The following AGPAT3 variants were observed in gnomAD, a reference collection of about 807,000 sequenced individuals.
AGPAT3 encodes 1-acylglycerol-3-phosphate O-acyltransferase 3.
AGPAT3 carries 5 observed loss-of-function variants against 47.3 expected under a neutral mutation model. The observed-to-expected ratio is 0.11, with a 90% confidence interval of 0.06 to 0.22. The LOEUF (loss-of-function observed/expected upper bound fraction) is 0.22, where lower values mean the gene tolerates loss of function less well. Among genes scored for constraint, AGPAT3 ranks in the 10% least tolerant of loss-of-function variants. AGPAT3 has a pLI of 1.00. For synonymous variants in AGPAT3, 212 were observed against 208.3 expected (o/e 1.02, Z -0.15); for missense variants, 315 against 493.0 (o/e 0.64, Z 3.42).
At position 43,972,308 on chromosome 21, in the gene AGPAT3, C is replaced by G. The variant is rs572164388; in HGVS notation, c.767+818C>G. 2.0e-5 allele frequency among the ~76,000 whole-genome samples: 3 copies of G among 152,282 alleles called. No homozygotes were observed. The East Asian group carries it at 5.8e-4, about 29-fold the overall frequency. On this transcript the variant is annotated intron_variant, in intron 7 of 9. Transcript: ENST00000291572. ...TACAGGTGCCCACTACCTCGCCTGG[C>G]TAATTTCATATTTTTTTAGTAGAGA...
chr21:43,900,874 A>AC (rs2086332914), intron 1 of AGPAT3, among the ~76,000 whole-genome samples: 1 of 152,190 alleles, frequency 6.6e-6, no homozygotes, highest in Non-Finnish European at 1.5e-5. Flanking sequence ...TCCCAGAACA[A>AC]AGCCCGGAGA....
chr21:43,865,461 C>T (rs2085483541), intron 1 of AGPAT3, 116 bp downstream of exon 1: 2 of 146,820 alleles, frequency 1.4e-5, no homozygotes, highest in African/African-American at 4.9e-5. Flanking sequence ...GCCGTCCGAC[C>T]TCGGGCCGCC....
chr21:43,970,326 C>T lies in AGPAT3; in HGVS notation c.511-327C>T, dbSNP rs2089342099. On this transcript the variant is annotated intron_variant, in intron 5 of 9. Transcript: ENST00000291572. The surrounding 1 kb of genome is among the most constrained non-coding windows in gnomAD (Gnocchi z 5.8). ...CGGCCTGCTGTTAACATTTCTAACT[C>T]ATGCTGTGGCAAGTCGATGAAACCC... 1.3e-5 allele frequency among the ~76,000 whole-genome samples: 2 copies of T among 152,306 alleles called. No homozygotes were observed. Among genetic ancestry groups the T allele is most frequent in the African/African-American group, 2.4e-5 (1 of 41,570 alleles).
intron 1 of AGPAT3, among the ~76,000 whole-genome samples, chr21:43,883,589 GTTTTGTTTTGTT>G (rs1447859181): frequency 6.6e-6 from 1 of 152,038 alleles, no homozygotes; most frequent in Non-Finnish European, 1.5e-5. Flanking sequence ...CCGTTTTTTT[GTTTTGTTTTGTT>G]TTTTGTTTTG....
intron 2 of AGPAT3, among the ~76,000 whole-genome samples, chr21:43,943,434 G>T (rs914575093): frequency 6.6e-6 from 1 of 152,068 alleles, no homozygotes; most frequent in Non-Finnish European, 1.5e-5. Context: ...CGTCCCATAG[G>T]ATTTTATCGA....
chr21:43,893,966 G>T (rs958742384), intron 1 of AGPAT3, among the ~76,000 whole-genome samples: 1 of 152,210 alleles, frequency 6.6e-6, no homozygotes, highest in Admixed American at 6.5e-5. Flanking sequence ...CTTGATGTTG[G>T]AAAAACGTGG....
intron 2 of AGPAT3, among the ~76,000 whole-genome samples, chr21:43,935,089 CA>C (rs1040610632): frequency 2.3e-4 from 35 of 152,376 alleles, no homozygotes; most frequent in Middle Eastern, 3.4e-3. Flanking sequence ...GGAGGCTGGA[CA>C]GGGGGGGCTT....
intron 2 of AGPAT3, among the ~76,000 whole-genome samples, chr21:43,958,922 C>G (rs2146603145): frequency 1.1e-5 from 1 of 90,216 alleles, no homozygotes; most frequent in Non-Finnish European, 2.1e-5. Context: ...GTGTGTGTGG[C>G]ATGTGTGTGG....
At chr21:43,890,413 G>A (rs115272502) in intron 1 of AGPAT3, among the ~76,000 whole-genome samples, 3 of 151,952 alleles carry the variant, frequency 2.0e-5, no homozygotes, top group Admixed American at 6.6e-5. Flanking sequence ...TAAATTACCC[G>A]GTCTCAATTT....
chr21:43,866,679 A>G (rs971924624), intron 1 of AGPAT3: 1 of 152,118 alleles, frequency 6.6e-6, no homozygotes, highest in Non-Finnish European at 1.5e-5. Flanking sequence ...AGTCTTAAGT[A>G]TCTTCTTGAG....
Position 43,877,626 on chromosome 21 carries a change from T to C in AGPAT3, c.-112+12281T>C, listed in dbSNP as rs547770961. Among the ~76,000 whole-genome samples the C allele has an allele frequency of 4.6e-5, 7 of 152,196 alleles. No individual in the cohort carries two copies. In the South Asian group the frequency reaches 1.5e-3, roughly 32 times the overall value. On this transcript the variant is annotated intron_variant, in intron 1 of 9. Coordinates refer to ENST00000291572, the MANE Select transcript of AGPAT3 (RefSeq NM_020132.5). Reference sequence around the variant, plus strand: ...CCCTGCTATTTTTTTGTATTTTTAATAGAGACGGGGTTTCTCCTTGTTGGT... The same window carrying C: ...CCCTGCTATTTTTTTGTATTTTTAACAGAGACGGGGTTTCTCCTTGTTGGT...
At chr21:43,868,323 T>G (rs977484576) in intron 1 of AGPAT3, among the ~76,000 whole-genome samples, 1 of 152,088 alleles carries the variant, frequency 6.6e-6, no homozygotes, top group Non-Finnish European at 1.5e-5. Context: ...ATGTTACTGG[T>G]GGTGAATTGA....
At chr21:43,929,481 G>T (rs2087169281) in intron 2 of AGPAT3, among the ~76,000 whole-genome samples, 1 of 152,194 alleles carries the variant, frequency 6.6e-6, no homozygotes, top group African/African-American at 2.4e-5. Context: ...CTATTTTTAT[G>T]TGTGTCCTTA....
intron 2 of AGPAT3, among the ~76,000 whole-genome samples, chr21:43,923,243 G>C (rs749872907): frequency 6.6e-6 from 1 of 151,432 alleles, no homozygotes; most frequent in Non-Finnish European, 1.5e-5. Flanking sequence ...GGGAGTCGCT[G>C]TCTGGGGGGC....
chr21:43,962,860 T>C (rs2088941041), intron 3 of AGPAT3, among the ~76,000 whole-genome samples: 1 of 150,510 alleles, frequency 6.6e-6, no homozygotes, highest in African/African-American at 2.4e-5. Flanking sequence ...TAATCAAGAA[T>C]GACAACGTAA....
intron 2 of AGPAT3, among the ~76,000 whole-genome samples, chr21:43,921,542 C>T (rs1041008648): frequency 2.6e-5 from 4 of 152,066 alleles, no homozygotes; most frequent in African/African-American, 4.8e-5. Context: ...TTTCTGATGC[C>T]GAAATCCCCA....
intron 1 of AGPAT3, among the ~76,000 whole-genome samples, chr21:43,888,914 G>A (rs188474988): frequency 1.7e-3 from 253 of 152,202 alleles, no homozygotes; most frequent in African/African-American, 5.6e-3. Context: ...GCTTGAACCC[G>A]GAAGGCGGAG....
intron 1 of AGPAT3, among the ~76,000 whole-genome samples, chr21:43,888,144 G>A (rs912483509): frequency 1.1e-4 from 16 of 152,154 alleles, no homozygotes; most frequent in Non-Finnish European, 7.3e-5. Context: ...AGGCTCAAAC[G>A]ATCCTTCCAC....
Position 43,920,505 on chromosome 21 carries a change from A to G in AGPAT3, c.-49+16486A>G, listed in dbSNP as rs565688969. Among the ~76,000 whole-genome samples the G allele has an allele frequency of 1.3e-5, 2 of 152,170 alleles. No homozygotes were observed. The highest frequency in any genetic ancestry group is 4.2e-4 in the South Asian group (2 of 4,810). On this transcript the variant is annotated intron_variant, in intron 2 of 9. Coordinates refer to ENST00000291572, the MANE Select transcript of AGPAT3 (RefSeq NM_020132.5). This position sits in a 1 kb window ranked among gnomAD's most constrained non-coding sequence, Gnocchi z 6.1. ...ATGAGGTGACTGTGGCTGGGGCTCC[A>G]GGACAGCCTCCTGGGGGACTGGTTG...
Sources: gnomAD v4.1 joint callset for allele counts (sites outside exome capture counted in the v4.1 genomes callset) on GRCh38, gnomAD v4.1.1 for gene constraint, Gnocchi (gnomAD v3.1) non-coding constraint, MANE v1.5 for transcripts, NCBI Gene and HGNC (gene_info 2026-07-23, HGNC 2026-07-21) for gene names.